Variants in HHIPL1 observed in about 807,000 individuals in gnomAD.
The protein encoded by HHIPL1 is HHIP like 1.
Under a neutral mutation model 61.8 loss-of-function variants are expected in HHIPL1, and 43 were observed. The observed-to-expected ratio is 0.70, with a 90% CI of 0.55 to 0.90. HHIPL1 has a LOEUF of 0.90. HHIPL1 is among the 40% of genes least tolerant of loss of function. The pLI, the probability that HHIPL1 is intolerant of heterozygous loss-of-function variation, is 0.00. For synonymous variants in HHIPL1, 482 were observed against 515.8 expected, an observed-to-expected ratio of 0.93 and a Z score of 0.89; for missense variants, 1,056 against 1,157.7, an observed-to-expected ratio of 0.91 and a Z score of 1.28.
the HHIPL1 span, among the ~76,000 whole-genome samples, chr14:99,637,624 G>A: frequency 6.6e-6 from 1 of 152,038 alleles, no homozygotes. Flanking sequence ...TTTATAGAAA[G>A]TTTAAGAACA....
the HHIPL1 span, chr14:99,625,578 C>A: frequency 6.8e-6 from 1 of 147,880 alleles, no homozygotes; most frequent in Admixed American, 6.7e-5. Flanking sequence ...AGATGGGAGG[C>A]TGAGCCCATC....
At chr14:99,669,378 A>ACTTTTTTAATGAT in intron 7 of HHIPL1, 1 of 982,276 alleles carries the variant, frequency 1.0e-6, no homozygotes, top group Admixed American at 5.7e-5. Flanking sequence ...ACTTGTCTCT[A>ACTTTTTTAATGAT]ACGCAAGGCC....
intron 5 of HHIPL1, 79 bp from the exon 6 acceptor site, chr14:99,662,797 G>A: frequency 7.6e-7 from 1 of 1,309,858 alleles, no homozygotes; most frequent in South Asian, 1.4e-5. Flanking sequence ...ATGGATGGAT[G>A]GATGGATGGA....
chr14:99,638,236 T>C, the HHIPL1 span, among the ~76,000 whole-genome samples: 180 of 152,324 alleles, frequency 1.2e-3, 1 homozygote, highest in Admixed American at 3.1e-3. Context: ...AGATGGGTCC[T>C]GGCACATTCT....
intron 3 of HHIPL1, among the ~76,000 whole-genome samples, chr14:99,659,057 G>A (rs905412409): frequency 2.0e-5 from 3 of 152,154 alleles, no homozygotes; most frequent in African/African-American, 4.8e-5. Context: ...GATCCCAGCG[G>A]TGCGGCAACT....
chr14:99,613,003 C>T, the HHIPL1 span, among the ~76,000 whole-genome samples: 13 of 152,180 alleles, frequency 8.5e-5, no homozygotes, highest in South Asian at 2.1e-4. Flanking sequence ...GAATGAAAGT[C>T]GCAAAGACCT....
At position 99,679,054 on chromosome 14, in the gene HHIPL1, G is replaced by A. The variant is rs544930731; in HGVS notation, c.*3428G>A. On this transcript the variant is annotated 3_prime_UTR_variant, in exon 9 of 9. Transcript: ENST00000330710. Reference sequence around the variant, plus strand: ...ATGCACATTTACTCACGTGGAAGCCGAGTTCCAGGGCATTTGTCACTTACC... The same window carrying A: ...ATGCACATTTACTCACGTGGAAGCCAAGTTCCAGGGCATTTGTCACTTACC... 4 of 152,320 alleles carry A rather than the reference G, an allele frequency of 2.6e-5. No homozygotes were observed. The highest frequency in any genetic ancestry group is 1.9e-4 in the East Asian group (1 of 5,184). The allele number at this position is 152,320 out of a possible 1,614,324, so 9.4% of individuals were successfully genotyped here.
At chr14:99,613,956 T>C in the HHIPL1 span, among the ~76,000 whole-genome samples, 4 of 152,032 alleles carry the variant, frequency 2.6e-5, no homozygotes, top group African/African-American at 7.2e-5. Context: ...GCATAGAGCC[T>C]GGGAACTCAG....
chr14:99,637,030 AGAAAGAAAGAAAGAAAGAAG>A, the HHIPL1 span, among the ~76,000 whole-genome samples: 4 of 121,854 alleles, frequency 3.3e-5, no homozygotes, highest in South Asian at 2.8e-4. Flanking sequence ...AAAGAAAGAA[AGAAAGAAAGAAAGAAAGAAG>A]GAAGGAAGGA....
At chr14:99,615,639 G>A in the HHIPL1 span, among the ~76,000 whole-genome samples, 1 of 45,196 alleles carries the variant, frequency 2.2e-5, no homozygotes, top group African/African-American at 4.5e-5. Flanking sequence ...GAAAGAGAAA[G>A]AAAGGAAGAG....
chr14:99,663,058 G>C, intron 6 of HHIPL1, 37 bp downstream of exon 6: 1 of 1,560,098 alleles, frequency 6.4e-7, no homozygotes, highest in East Asian at 2.3e-5. Context: ...CTGGTTGCTC[G>C]TGCCTGGGAC....
the HHIPL1 span, among the ~76,000 whole-genome samples, chr14:99,621,273 A>AC: frequency 6.6e-6 from 1 of 151,736 alleles, no homozygotes; most frequent in African/African-American, 2.4e-5. Flanking sequence ...TAATTTTTGT[A>AC]TTTTTTTGTA....
the HHIPL1 span, among the ~76,000 whole-genome samples, chr14:99,631,052 CTTTCTTTCT>C: frequency 0.062 from 3,940 of 63,762 alleles, 65 homozygotes; most frequent in Non-Finnish European, 0.076. Flanking sequence ...GCTCCATTTT[CTTTCTTTCT>C]TTCTTTCTTT....
chr14:99,651,473 G>T (rs979512728), intron 1 of HHIPL1, among the ~76,000 whole-genome samples: 2 of 152,102 alleles, frequency 1.3e-5, no homozygotes, highest in African/African-American at 4.8e-5. Flanking sequence ...TGGTGTGGGG[G>T]CACACTTTAA....
At position 99,660,107 on chromosome 14, in the gene HHIPL1, C is replaced by T. The variant is rs2056124998; in HGVS notation, c.1376-173C>T. On this transcript the variant is annotated intron_variant, in intron 4 of 8. Coordinates refer to ENST00000330710, the MANE Select transcript of HHIPL1 (RefSeq NM_001127258.3). The surrounding 1 kb of genome is among the most constrained non-coding windows in gnomAD (Gnocchi z 4.9). ...CTCGCTCCATCCCCACCTGGCACCC[C>T]TGCAGACACGCTTTCCACCACGCCA... Among the ~76,000 whole-genome samples, 1 of 150,040 alleles carries T rather than the reference C, an allele frequency of 6.7e-6. No homozygotes were observed. Among genetic ancestry groups the T allele is most frequent in the Admixed American group, 6.6e-5 (1 of 15,210 alleles).
At chr14:99,637,104 A>C in the HHIPL1 span, among the ~76,000 whole-genome samples, 3 of 96,744 alleles carry the variant, frequency 3.1e-5, no homozygotes, top group Admixed American at 1.1e-4. Context: ...AGGAAGGAAA[A>C]AAGAAAGAAA....
chr14:99,617,942 T>C, the HHIPL1 span, among the ~76,000 whole-genome samples: 7 of 152,184 alleles, frequency 4.6e-5, no homozygotes, highest in Non-Finnish European at 1.0e-4. Flanking sequence ...TGGGGGTCTG[T>C]AGCAGATTTC....
intron 6 of HHIPL1, among the ~76,000 whole-genome samples, chr14:99,667,837 G>A (rs2056270509): frequency 6.6e-6 from 1 of 152,230 alleles, no homozygotes; most frequent in Admixed American, 6.5e-5. Flanking sequence ...TCCCCTGGAA[G>A]CAGTTGGGGA....
In HHIPL1 at chr14:99,660,144, GGCACGCCAGCCC is replaced by G; in HGVS notation, c.1376-135_1376-124del. 11 of 721,410 alleles carry G rather than the reference GGCACGCCAGCCC, an allele frequency of 1.5e-5. No individual in the cohort carries two copies. Among genetic ancestry groups the G allele is most frequent in the South Asian group, 1.0e-4 (4 of 39,718 alleles). 44.7% of individuals were successfully genotyped at this position (721,410 alleles called of 1,614,324 possible). A position where few individuals can be genotyped will look rare whatever the true frequency, so the allele number is the denominator to read the frequency against. On this transcript the variant is annotated intron_variant, in intron 4 of 8. Transcript: ENST00000330710. This position sits in a 1 kb window ranked among gnomAD's most constrained non-coding sequence, Gnocchi z 4.9. ...TTTCCACCACGCCAGCCCTGCTGTG[GGCACGCCAGCCC>G]TGCTGTGGGCACGCCCCTCCCTCCG...
Sources: allele counts gnomAD v4.1 joint callset (sites outside exome capture counted in the v4.1 genomes callset), GRCh38; gene constraint gnomAD v4.1.1; non-coding constraint Gnocchi (gnomAD v3.1); transcripts MANE v1.5; gene names NCBI Gene and HGNC (gene_info 2026-07-23, HGNC 2026-07-21).